The following RB1 variants were observed in gnomAD, a reference collection of about 807,000 sequenced individuals.
RB1 encodes retinoblastoma-associated protein.
A neutral mutation model predicts 135.4 loss-of-function variants in RB1; 18 were observed. The observed-to-expected ratio is 0.13, with a 90% CI of 0.09 to 0.20. The LOEUF (loss-of-function observed/expected upper bound fraction) is 0.20, where lower values mean the gene tolerates loss of function less well. Ranked by LOEUF, RB1 falls within the 10% of genes least tolerant of loss-of-function variation. The pLI is 1.00. For synonymous variants in RB1, 365 were observed against 373.2 expected (o/e 0.98, Z 0.25); for missense variants, 868 against 1,110.0 (o/e 0.78, Z 3.10).
intron 9 of RB1, 120 bp from the exon 10 acceptor site, chr13:48,367,374 T>C (rs1952713160): frequency 9.5e-7 from 1 of 1,055,686 alleles, no homozygotes; most frequent in African/African-American, 1.6e-5. Flanking sequence ...GCGAACTCAG[T>C]GTATATTACA....
Position 48,332,876 on chromosome 13 carries a change from G to A in RB1, c.265-9723G>A, listed in dbSNP as rs189850089. The A allele has an allele frequency of 2.2e-3, 876 of 393,816 alleles. 2 individuals carry two copies. The highest frequency in any genetic ancestry group is 0.016 in the African/African-American group (783 of 48,572). The allele number at this position is 393,816 out of a possible 1,614,324, so 24.4% of individuals were successfully genotyped here. A position where few individuals can be genotyped will look rare whatever the true frequency, so the allele number is the denominator to read the frequency against. On this transcript the variant is annotated intron_variant, in intron 2 of 26. Coordinates refer to ENST00000267163, the MANE Select transcript of RB1 (RefSeq NM_000321.3). ...TATATACTATGTTTTTTCCTATCCTGTACATATATACCTGCATTAAAGTTT... is the reference window on the plus strand; with the variant it reads ...TATATACTATGTTTTTTCCTATCCTATACATATATACCTGCATTAAAGTTT...
In RB1 at chr13:48,380,047, T is replaced by C; in HGVS notation, c.1390-6T>C. On this transcript the variant is annotated splice_region_variant and splice_polypyrimidine_tract_variant and intron_variant, in intron 14 of 26. Coordinates refer to ENST00000267163, the MANE Select transcript of RB1 (RefSeq NM_000321.3). ...TCTTTTTTTTTTTTTAAATTATCTG[T>C]TTCAGGAAGAAGAACGATTATCCAT... 1 of 1,342,756 alleles carries C rather than the reference T, an allele frequency of 7.4e-7. No individual in the cohort carries two copies. Among genetic ancestry groups the C allele is most frequent in the Non-Finnish European group, 1.0e-6 (1 of 987,916 alleles). The allele number at this position is 1,342,756 out of a possible 1,614,324, so 83.2% of individuals were successfully genotyped here.
In RB1 at chr13:48,319,364, G is replaced by A; in HGVS notation, c.264+11958G>A. Reference sequence around the variant, plus strand: ...CCTCCTTGCGTGTTTGCCGCAGCTAGTACACCTGGATGGCCTCCTCAGTGC... The same window carrying A: ...CCTCCTTGCGTGTTTGCCGCAGCTAATACACCTGGATGGCCTCCTCAGTGC... On this transcript the variant is annotated intron_variant, in intron 2 of 26. Coordinates refer to ENST00000267163, the MANE Select transcript of RB1 (RefSeq NM_000321.3). The surrounding 1 kb of genome is among the most constrained non-coding windows in gnomAD (Gnocchi z 5.0). 2.1e-6 allele frequency: 1 copy of A among 476,960 alleles called. No individual in the cohort carries two copies. The highest frequency in any genetic ancestry group is 1.9e-5 in the South Asian group (1 of 52,512). The allele number at this position is 476,960 out of a possible 1,614,324, so 29.5% of individuals were successfully genotyped here. A position where few individuals can be genotyped will look rare whatever the true frequency, so the allele number is the denominator to read the frequency against.
intron 17 of RB1, among the ~76,000 whole-genome samples, chr13:48,409,890 A>T (rs370773275): frequency 1.3e-5 from 2 of 152,112 alleles, no homozygotes; most frequent in Non-Finnish European, 2.9e-5. Flanking sequence ...GAATTTTTTT[A>T]AAAAAGGAAT....
At chr13:48,315,437 A>G (rs191232712) in intron 2 of RB1, among the ~76,000 whole-genome samples, 2 of 152,178 alleles carry the variant, frequency 1.3e-5, no homozygotes. Context: ...AGACTATGGG[A>G]TTTTCTAGGT....
chr13:48,387,438 C>T (rs1047120056), intron 17 of RB1, among the ~76,000 whole-genome samples: 1 of 152,098 alleles, frequency 6.6e-6, no homozygotes, highest in Admixed American at 6.6e-5. Context: ...AGAAGCCAGT[C>T]ACAGAAAACC....
chr13:48,474,496 A>G (rs975468584), intron 24 of RB1, among the ~76,000 whole-genome samples: 1 of 152,210 alleles, frequency 6.6e-6, no homozygotes, highest in Non-Finnish European at 1.5e-5. Context: ...AGGAATCTTT[A>G]TAAAACAATT....
intron 2 of RB1, among the ~76,000 whole-genome samples, chr13:48,321,871 A>C (rs549108181): frequency 3.6e-4 from 54 of 152,030 alleles, no homozygotes; most frequent in Non-Finnish European, 7.2e-4. Context: ...ACAGCAACAA[A>C]AAAAATCCAT....
chr13:48,364,808 C>T lies in RB1; in HGVS notation c.862-86C>T, dbSNP rs543228436. ...TTTACTGCATGGGGGATTGACACCT[C>T]TAACTTACCCTGCATTGTTCAAGAG... On this transcript the variant is annotated intron_variant, in intron 8 of 26. Coordinates refer to ENST00000267163, the MANE Select transcript of RB1 (RefSeq NM_000321.3). 2.3e-5 allele frequency: 34 copies of T among 1,451,084 alleles called. No individual in the cohort carries two copies. The South Asian group carries it at 3.6e-4, about 15-fold the overall frequency. 89.9% of individuals were successfully genotyped at this position (1,451,084 alleles called of 1,614,324 possible).
chr13:48,374,152 A>G (rs566050522), intron 12 of RB1, among the ~76,000 whole-genome samples: 1 of 152,220 alleles, frequency 6.6e-6, no homozygotes, highest in South Asian at 2.1e-4. Context: ...TTTATTTACA[A>G]TTCTTACCTG....
intron 17 of RB1, chr13:48,411,557 T>C (rs763281208): frequency 1.8e-5 from 29 of 1,613,792 alleles, no homozygotes; most frequent in Non-Finnish European, 2.5e-5. Flanking sequence ...AGTAGTAAAC[T>C]ATAGGGTCAA....
intron 1 of RB1, among the ~76,000 whole-genome samples, chr13:48,305,170 C>T (rs573692676): frequency 1.3e-5 from 2 of 152,300 alleles, no homozygotes; most frequent in East Asian, 3.8e-4. Flanking sequence ...ACTATTTTCT[C>T]TCCCATTCTT....
intron 2 of RB1, chr13:48,328,093 C>T: frequency 1.1e-6 from 1 of 876,834 alleles, no homozygotes; most frequent in Non-Finnish European, 2.0e-6. Flanking sequence ...TTGTCTTGGT[C>T]ATAGACATTT....
At chr13:48,321,114 C>T (rs1411130896) in intron 2 of RB1, among the ~76,000 whole-genome samples, 1 of 152,064 alleles carries the variant, frequency 6.6e-6, no homozygotes, top group African/African-American at 2.4e-5. Flanking sequence ...TCGGCCAGGC[C>T]CCCTGCCACC....
chr13:48,398,863 G>A (rs1948668045), intron 17 of RB1, among the ~76,000 whole-genome samples: 1 of 152,082 alleles, frequency 6.6e-6, no homozygotes, highest in South Asian at 2.1e-4. Flanking sequence ...TGAGTAACAA[G>A]GGAAGTGTTT....
intron 2 of RB1, among the ~76,000 whole-genome samples, chr13:48,334,544 AG>A (rs889938542): frequency 3.3e-5 from 5 of 152,172 alleles, no homozygotes; most frequent in Admixed American, 3.3e-4. Context: ...TTTGACCCTG[AG>A]GTAGAGCACA....
chr13:48,425,083 C>G, intron 17 of RB1, among the ~76,000 whole-genome samples: 1 of 151,854 alleles, frequency 6.6e-6, no homozygotes, highest in Admixed American at 6.6e-5. Flanking sequence ...GAATACAAAA[C>G]AAAGAAATAA....
Position 48,344,965 on chromosome 13 carries a change from A to G in RB1, c.381-115A>G. ...AGTAATTCCTTCCAAAGGATATAGTAGTGATTTGATGTAGAGCTGATAATC... is the reference window on the plus strand; with the variant it reads ...AGTAATTCCTTCCAAAGGATATAGTGGTGATTTGATGTAGAGCTGATAATC... On this transcript the variant is annotated intron_variant, in intron 3 of 26. Coordinates refer to ENST00000267163, the MANE Select transcript of RB1 (RefSeq NM_000321.3). 5 of 1,257,408 alleles carry G rather than the reference A, an allele frequency of 4.0e-6. No individual in the cohort carries two copies. In the East Asian group the frequency reaches 1.2e-4, roughly 31 times the overall value. The allele number at this position is 1,257,408 out of a possible 1,614,324, so 77.9% of individuals were successfully genotyped here. A position where few individuals can be genotyped will look rare whatever the true frequency, so the allele number is the denominator to read the frequency against.
chr13:48,319,543 T>A lies in RB1; in HGVS notation c.264+12137T>A, dbSNP rs1952216439. 7.6e-6 allele frequency: 2 copies of A among 263,478 alleles called. 1 individual carries two copies. 16.3% of individuals were successfully genotyped at this position (263,478 alleles called of 1,614,324 possible). ...GGGGCTGCTGGCTTCGGGCTGCCCT[T>A]GTTCTCCTGCTTGGTCGTGACCCTG... is the stretch of plus-strand genomic sequence containing the variant. On this transcript the variant is annotated intron_variant, in intron 2 of 26. Coordinates refer to ENST00000267163, the MANE Select transcript of RB1 (RefSeq NM_000321.3). The surrounding 1 kb of genome is among the most constrained non-coding windows in gnomAD (Gnocchi z 5.0).
Sources: gnomAD v4.1 joint callset for allele counts (sites outside exome capture counted in the v4.1 genomes callset) on GRCh38, gnomAD v4.1.1 for gene constraint, Gnocchi (gnomAD v3.1) non-coding constraint, MANE v1.5 for transcripts, NCBI Gene and HGNC (gene_info 2026-07-23, HGNC 2026-07-21) for gene names.